EYS: variants seen among roughly 807,000 people sequenced by gnomAD.
EYS encodes the protein protein eyes shut homolog.
EYS carries 250 observed loss-of-function variants against 282.1 expected under a neutral mutation model. The observed-to-expected ratio is 0.89, with a 90% confidence interval of 0.80 to 0.98. EYS has a LOEUF of 0.98. EYS is among the 50% of genes least tolerant of loss of function. The pLI, the probability that EYS is intolerant of heterozygous loss-of-function variation, is 0.00. For synonymous variants in EYS, 1,355 were observed against 1,282.9 expected (o/e 1.06, Z -1.20); for missense variants, 4,016 against 3,709.0 (o/e 1.08, Z -2.15).
chr6:64,240,233 G>A (rs1251760969), intron 30 of EYS, among the ~76,000 whole-genome samples: 2 of 152,084 alleles, frequency 1.3e-5, no homozygotes, highest in East Asian at 3.9e-4. Flanking sequence ...TCTTGGCTAT[G>A]CGTGCTCTTT....
intron 1 of EYS, among the ~76,000 whole-genome samples, chr6:65,675,633 G>C (rs1287967492): frequency 6.6e-6 from 1 of 151,854 alleles, no homozygotes; most frequent in Non-Finnish European, 1.5e-5. Context: ...GAGTGAGATA[G>C]AGAGTAACAT....
intron 12 of EYS, among the ~76,000 whole-genome samples, chr6:65,094,021 T>A (rs1229670567): frequency 6.6e-6 from 1 of 151,630 alleles, no homozygotes; most frequent in East Asian, 1.9e-4. Context: ...AAAAAGGTGT[T>A]ACAAAAATAT....
At chr6:63,748,539 TG>T (rs1160604579) in intron 41 of EYS, among the ~76,000 whole-genome samples, 4 of 152,314 alleles carry the variant, frequency 2.6e-5, no homozygotes, top group Admixed American at 6.5e-5. Flanking sequence ...ATCAATTTTT[TG>T]GAATAGTTTT....
chr6:63,975,708 A>G (rs1030327940), intron 35 of EYS, among the ~76,000 whole-genome samples: 2 of 152,030 alleles, frequency 1.3e-5, no homozygotes, highest in African/African-American at 4.8e-5. Context: ...TTCAAAACTT[A>G]GTAATAATAC....
At chr6:64,780,913 C>T (rs1232598957) in intron 22 of EYS, among the ~76,000 whole-genome samples, 2 of 152,130 alleles carry the variant, frequency 1.3e-5, no homozygotes, top group African/African-American at 4.8e-5. Flanking sequence ...ATATATGCTT[C>T]TCAAATAACA....
At position 64,900,621 on chromosome 6, in the gene EYS, T is replaced by C. The variant is rs149160554; in HGVS notation, c.2846+1492A>G. 9.3e-3 allele frequency among the ~76,000 whole-genome samples: 1,418 copies of C among 152,094 alleles called. 36 individuals are homozygous for C. Among genetic ancestry groups the C allele is most frequent in the African/African-American group, 0.033 (1,349 of 41,470 alleles). ...AAGACATTTATGCAGGCAACAAATA[T>C]ATGAAAAAAAGCTCATCATCACTGG... On this transcript the variant is annotated intron_variant, in intron 18 of 42. Transcript: ENST00000503581.
chr6:63,858,403 A>G lies in EYS; in HGVS notation c.7228+5783T>C, dbSNP rs531097365. On this transcript the variant is annotated intron_variant, in intron 36 of 42. Transcript: ENST00000503581. ...AGAACTGAAATGTGTACACTGAAAT[A>G]CACATTTATAAGTGCTGCTTTTAAA... 2.0e-5 allele frequency among the ~76,000 whole-genome samples: 3 copies of G among 152,268 alleles called. No homozygotes were observed. The South Asian group carries it at 6.2e-4, about 32-fold the overall frequency.
At chr6:65,214,212 A>T (rs1400799003) in intron 12 of EYS, among the ~76,000 whole-genome samples, 2 of 151,358 alleles carry the variant, frequency 1.3e-5, no homozygotes, top group Non-Finnish European at 2.9e-5. Context: ...TATAGGCTGA[A>T]AAAGTTAGGC....
intron 28 of EYS, among the ~76,000 whole-genome samples, chr6:64,411,720 C>T (rs1223453142): frequency 6.6e-6 from 1 of 151,922 alleles, no homozygotes; most frequent in Non-Finnish European, 1.5e-5. Flanking sequence ...TGGTGGCTTG[C>T]ACTTGTAGTC....
intron 12 of EYS, among the ~76,000 whole-genome samples, chr6:65,205,281 A>G (rs1378006892): frequency 6.6e-6 from 1 of 151,408 alleles, no homozygotes; most frequent in African/African-American, 2.4e-5. Context: ...GACTTCAAAG[A>G]AACAACAGTT....
chr6:64,907,791 G>A (rs2150074355), intron 16 of EYS, among the ~76,000 whole-genome samples: 1 of 152,118 alleles, frequency 6.6e-6, no homozygotes, highest in South Asian at 2.1e-4. Context: ...TTACCATGGG[G>A]ATGGAATTTA....
At chr6:64,482,760 G>C (rs1039566965) in intron 26 of EYS, among the ~76,000 whole-genome samples, 1 of 151,602 alleles carries the variant, frequency 6.6e-6, no homozygotes, top group African/African-American at 2.4e-5. Flanking sequence ...ATTTGCATCT[G>C]GTGGGAACTA....
intron 31 of EYS, among the ~76,000 whole-genome samples, chr6:64,210,771 G>A (rs1165525690): frequency 1.3e-5 from 2 of 152,170 alleles, no homozygotes; most frequent in African/African-American, 4.8e-5. Flanking sequence ...GTGTTACAGA[G>A]GAGATTGGTG....
intron 30 of EYS, among the ~76,000 whole-genome samples, chr6:64,244,664 C>T (rs895611559): frequency 3.9e-5 from 6 of 152,080 alleles, no homozygotes; most frequent in Non-Finnish European, 7.4e-5. Flanking sequence ...ATCCTCAGCT[C>T]CTTTTGCAAC....
intron 29 of EYS, among the ~76,000 whole-genome samples, chr6:64,387,652 T>G (rs952501392): frequency 6.6e-6 from 1 of 152,132 alleles, no homozygotes; most frequent in Non-Finnish European, 1.5e-5. Flanking sequence ...ATCATGGAAC[T>G]TTTAGAATGG....
chr6:64,570,318 T>C (rs962642900), intron 26 of EYS, among the ~76,000 whole-genome samples: 2 of 152,158 alleles, frequency 1.3e-5, no homozygotes, highest in African/African-American at 2.4e-5. Context: ...GGAACAACCG[T>C]TACCAGCCAC....
chr6:64,245,226 A>G (rs530651018), intron 30 of EYS, among the ~76,000 whole-genome samples: 1 of 152,332 alleles, frequency 6.6e-6, no homozygotes, highest in South Asian at 2.1e-4. Flanking sequence ...CTATGCAGTC[A>G]TAAAAAAGGA....
At chr6:65,330,978 C>G (rs1769776657) in intron 11 of EYS, 7 of 984,048 alleles carry the variant, frequency 7.1e-6, no homozygotes, top group Non-Finnish European at 8.4e-6. Context: ...ATTGAGTTCC[C>G]GTATATACTC....
intron 40 of EYS, among the ~76,000 whole-genome samples, chr6:63,767,614 T>C (rs1022497681): frequency 1.3e-5 from 2 of 152,084 alleles, no homozygotes; most frequent in African/African-American, 4.8e-5. Context: ...TTCCTGCTCA[T>C]GGAAAGGAAG....
Sources: gnomAD v4.1 joint callset for allele counts (sites outside exome capture counted in the v4.1 genomes callset) on GRCh38, gnomAD v4.1.1 for gene constraint, MANE v1.5 for transcripts, NCBI Gene and HGNC (gene_info 2026-07-23, HGNC 2026-07-21) for gene names.